The following KRT72 variants were observed in gnomAD, a reference collection of about 807,000 sequenced individuals.
KRT72 encodes keratin, type II cytoskeletal 72.
Under a neutral mutation model 44.7 loss-of-function variants are expected in KRT72, and 44 were observed. That is an observed-to-expected ratio of 0.98 (90% CI 0.77 to 1.27). The LOEUF (loss-of-function observed/expected upper bound fraction) is 1.27. Among genes scored for constraint, KRT72 ranks in the 50% most tolerant of loss-of-function variants. The pLI, the probability that KRT72 is intolerant of heterozygous loss-of-function variation, is 0.00. For synonymous variants in KRT72, 302 were observed against 280.4 expected (o/e 1.08, Z -0.77); for missense variants, 736 against 667.1 (o/e 1.10, Z -1.14).
rs1308356577 is a variant in KRT72 at position 52,601,375 on chromosome 12, C to G, written c.78G>C (p.Gly26=). Residue 26 remains glycine (G), a synonymous_variant, in exon 1 of 9, where the codon GGG becomes GGC. Transcript: ENST00000293745. ...FSGCSAVLSG[G]IGSSSASFRA... ...GGAATGAGGCGGAGCTGCTGCCGAT[C>G]CCGCCAGAGAGGACCGCGGAGCAAC... 1 of 1,543,166 alleles carries G rather than the reference C, an allele frequency of 6.5e-7. No individual in the cohort carries two copies. Among genetic ancestry groups the G allele is most frequent in the Non-Finnish European group, 8.7e-7 (1 of 1,146,938 alleles).
At chr12:52,601,678 A>ATCCC, upstream of KRT72, 1 of 565,862 alleles carries the variant, frequency 1.8e-6, no homozygotes, top group East Asian at 3.2e-5. Flanking sequence ...CTCCCCATGA[A>ATCCC]TCCCTGTAAA....
At chr12:52,594,584 A>T (rs986891327) in intron 2 of KRT72, among the ~76,000 whole-genome samples, 1 of 148,246 alleles carries the variant, frequency 6.7e-6, no homozygotes, top group Non-Finnish European at 1.5e-5. Context: ...CAGGAAGGGG[A>T]ACACCACACA....
At chr12:52,588,560 G>T (rs1293664482) in intron 6 of KRT72, among the ~76,000 whole-genome samples, 1 of 152,220 alleles carries the variant, frequency 6.6e-6, no homozygotes, top group Admixed American at 6.5e-5. Flanking sequence ...AATGCATGCT[G>T]TGCTCAAGAT....
At chr12:52,588,122 T>G (rs564364887) in intron 6 of KRT72, among the ~76,000 whole-genome samples, 1 of 152,324 alleles carries the variant, frequency 6.6e-6, no homozygotes, top group East Asian at 1.9e-4. Flanking sequence ...CCTGGGCACA[T>G]GGCCCCTGCC....
chr12:52,591,957 C>A (rs1940050381), intron 4 of KRT72, among the ~76,000 whole-genome samples: 1 of 152,204 alleles, frequency 6.6e-6, no homozygotes, highest in African/African-American at 2.4e-5. Context: ...GAGTCACTAG[C>A]ACCAGTCCCT....
At chr12:52,602,595 C>T (rs532673857), upstream of KRT72, among the ~76,000 whole-genome samples, 59 of 152,344 alleles carry the variant, frequency 3.9e-4, no homozygotes, top group Admixed American at 1.0e-3. Context: ...TGCCAGAGTC[C>T]TGGGTGTGTG....
At chr12:52,590,039 C>T (rs1322785521) in intron 6 of KRT72, among the ~76,000 whole-genome samples, 2 of 152,022 alleles carry the variant, frequency 1.3e-5, no homozygotes, top group Admixed American at 6.6e-5. Flanking sequence ...ATGCACCATG[C>T]GTGGTGAGAG....
intron 4 of KRT72, among the ~76,000 whole-genome samples, 171 bp from the exon 5 acceptor site, chr12:52,591,799 C>T (rs773673423): frequency 6.6e-6 from 1 of 152,164 alleles, no homozygotes; most frequent in Non-Finnish European, 1.5e-5. Flanking sequence ...AGGCTTTCAG[C>T]CCCAAACGCT....
rs909351520 is a variant in KRT72 at position 52,592,938 on chromosome 12, A to T, written c.656T>A (p.Ile219Asn). The change falls in exon 3 of 9, where the codon ATT (isoleucine) becomes AAT (asparagine). Residue 219 changes from isoleucine to asparagine, a missense_variant. Physicochemically the swap from Ile to Asn is moderately radical, Grantham distance 149 (BLOSUM62 -3). Coordinates refer to ENST00000293745, the MANE Select transcript of KRT72 (RefSeq NM_080747.3). ...EDYKKRYEVE[I>N]NRRTAAENEF... is the part of the protein sequence containing the mutation. The stretch of plus-strand genomic sequence containing the variant: ...ATTCTCAGCAGCTGTGCGTCTGTTA[A>T]TCTCCACCTCATACCTGCATGGGGC... 1 of 1,613,522 alleles carries T rather than the reference A, an allele frequency of 6.2e-7. No homozygotes were observed. The highest frequency in any genetic ancestry group is 1.1e-5 in the South Asian group (1 of 90,960).
intron 2 of KRT72, 45 bp from the exon 3 acceptor site, chr12:52,592,997 C>T (rs766591236): frequency 6.4e-7 from 1 of 1,556,650 alleles, no homozygotes; most frequent in African/African-American, 1.4e-5. Context: ...TGCAAACACT[C>T]ACTGAACAGT....
chr12:52,591,529 G>A lies in KRT72; in HGVS notation c.898C>T (p.Arg300Cys), dbSNP rs73320351. ...LDLDSIIAEVRAQYEEIALKS... is the reference protein window; with the variant it reads ...LDLDSIIAEVCAQYEEIALKS... ...AGGGCAATCTCCTCGTACTGGGCAC[G>A]GACCTCGGCAATGATGCTGTCCAGG... is the stretch of plus-strand genomic sequence containing the variant. Residue 300 changes from arginine (R) to cysteine (C), a missense_variant, in exon 5 of 9, where the codon CGT becomes TGT. Coordinates refer to ENST00000293745, the MANE Select transcript of KRT72 (RefSeq NM_080747.3). 14,036 of 1,614,066 alleles carry A rather than the reference G, an allele frequency of 8.7e-3. 144 individuals are homozygous for A. The highest frequency in any genetic ancestry group is 0.057 in the African/African-American group (4,288 of 75,044).
chr12:52,601,036 G>A lies in KRT72; in HGVS notation c.417C>T (p.Phe139=), dbSNP rs1193570526. The A allele has an allele frequency of 6.2e-7, 1 of 1,611,864 alleles. No homozygotes were observed. The highest frequency in any genetic ancestry group is 2.2e-5 in the East Asian group (1 of 44,680). The change falls in exon 1 of 9, where the codon TTC becomes TTT. Residue 139 remains phenylalanine (F), a synonymous_variant. Transcript: ENST00000293745. ...IKALNNKFAS[F]IDKVRFLEQQ... ...ATGCCCGAGGACTCACCTTGTCGATGAAGGAGGCGAACTTGTTGTTTAGCG... is the reference window on the plus strand; with the variant it reads ...ATGCCCGAGGACTCACCTTGTCGATAAAGGAGGCGAACTTGTTGTTTAGCG...
intron 2 of KRT72, among the ~76,000 whole-genome samples, chr12:52,597,862 C>G (rs1038890030): frequency 6.6e-6 from 1 of 152,188 alleles, no homozygotes; most frequent in African/African-American, 2.4e-5. Flanking sequence ...ACAGAGGACA[C>G]AGAGACTCAT....
rs1011522091 is a variant in KRT72, at chr12:52,591,725, C to T, written c.799-97G>A. 5 of 1,235,762 alleles carry T rather than the reference C, an allele frequency of 4.0e-6. No homozygotes were observed. In the African/African-American group the frequency reaches 7.5e-5, roughly 18 times the overall value. 76.5% of individuals were successfully genotyped at this position (1,235,762 alleles called of 1,614,324 possible). On this transcript the variant is annotated intron_variant, in intron 4 of 8. Transcript: ENST00000293745. ...GGCAAATTCCTCACTGTCCCTCTGCCTTTCCTCAGCGTTTGAACTCTGCCT... is the reference window on the plus strand; with the variant it reads ...GGCAAATTCCTCACTGTCCCTCTGCTTTTCCTCAGCGTTTGAACTCTGCCT...
chr12:52,588,952 A>T (rs1939889836), intron 6 of KRT72, among the ~76,000 whole-genome samples: 1 of 152,046 alleles, frequency 6.6e-6, no homozygotes, highest in Non-Finnish European at 1.5e-5. Flanking sequence ...GTGAGCCCAG[A>T]TTGTGCCACA....
chr12:52,601,150 G>C lies in KRT72; in HGVS notation c.303C>G (p.Thr101=). 1.2e-6 allele frequency: 2 copies of C among 1,613,580 alleles called. No individual in the cohort carries two copies. Among genetic ancestry groups the C allele is most frequent in the Non-Finnish European group, 1.7e-6 (2 of 1,179,752 alleles). The change falls in exon 1 of 9, where the codon ACC becomes ACG. Residue 101 remains threonine, a synonymous_variant. Transcript: ENST00000293745. ...VCPPGGIPQV[T]VNKSLLAPLN... is the part of the protein sequence containing the mutation. ...GCGGGGCCAGGAGGCTCTTGTTGAC[G>C]GTGACCTGAGGGATGCCCCCGGGTG... is the stretch of plus-strand genomic sequence containing the variant.
rs967987950 is a variant in KRT72 at position 52,601,221 on chromosome 12, C to T, written c.232G>A (p.Ala78Thr). The T allele has an allele frequency of 1.9e-6, 3 of 1,604,162 alleles. No homozygotes were observed. Among genetic ancestry groups the T allele is most frequent in the Admixed American group, 1.7e-5 (1 of 58,692 alleles). Residue 78 changes from alanine to threonine, a missense_variant, in exon 1 of 9, where the codon GCC becomes ACC. By Grantham distance (58) the Ala-to-Thr change is moderately conservative (BLOSUM62 0). Transcript: ENST00000293745. ...GGCCCCAGCCCGGCGCTGCCGAAGG[C>T]GGTGCCCACGAAGCCGCCCAGGCGG... ...GGRLGGFVGT[A>T]FGSAGLGPKC... is the part of the protein sequence containing the mutation.
At chr12:52,600,588 C>CTGA (rs1940396874) in intron 1 of KRT72, among the ~76,000 whole-genome samples, 1 of 152,142 alleles carries the variant, frequency 6.6e-6, no homozygotes, top group South Asian at 2.1e-4. Flanking sequence ...ATCACGAGAT[C>CTGA]TGATGCGTTT....
At chr12:52,598,319 C>T (rs942100572) in intron 2 of KRT72, among the ~76,000 whole-genome samples, 2 of 152,178 alleles carry the variant, frequency 1.3e-5, no homozygotes, top group Non-Finnish European at 2.9e-5. Context: ...GAAGAAGCCA[C>T]CTGTCCCTAG....
Sources: gnomAD v4.1 joint callset for allele counts (sites outside exome capture counted in the v4.1 genomes callset) on GRCh38, gnomAD v4.1.1 for gene constraint, MANE v1.5 for transcripts, NCBI Gene and HGNC (gene_info 2026-07-23, HGNC 2026-07-21) for gene names.